Variants in PINLYP observed in about 807,000 individuals in gnomAD.
The protein encoded by PINLYP is phospholipase A2 inhibitor and LY6/PLAUR domain containing, also known as phospholipase A2 inhibitor and Ly6/PLAUR domain-containing protein.
Under a neutral mutation model 15.8 loss-of-function variants are expected in PINLYP, and 12 were observed. That is an observed-to-expected ratio of 0.76 (90% CI 0.49 to 1.23). The LOEUF is 1.23. Ranked by LOEUF, PINLYP falls within the 50% of genes most tolerant of loss-of-function variation. PINLYP has a pLI of 0.00. For synonymous variants in PINLYP, 93 were observed against 97.7 expected (o/e 0.95, Z 0.28); for missense variants, 278 against 264.2 (o/e 1.05, Z -0.36).
At chr19:43,575,537 C>G (rs1244097309), upstream of PINLYP, 45 of 1,372,610 alleles carry the variant, frequency 3.3e-5, no homozygotes, top group Middle Eastern at 2.0e-4. Flanking sequence ...TGGGAGGGGG[C>G]GGGGTGCGCC....
At chr19:43,577,479 G>GA (rs1972880631) in intron 2 of PINLYP, among the ~76,000 whole-genome samples, 1 of 152,042 alleles carries the variant, frequency 6.6e-6, no homozygotes, top group Admixed American at 6.6e-5. Context: ...TTGGATCCCT[G>GA]AGAGAGGGGC....
chr19:43,581,726 G>C lies in PINLYP; in HGVS notation c.481+23G>C, dbSNP rs1463416588. On this transcript the variant is annotated intron_variant, in intron 5 of 5. Transcript: ENST00000599207. Reference sequence around the variant, plus strand: ...CTGGTGAGTGGTGCCTGAATCTCTGGAAAAGGAAACAGAACTAGAGGTCCA... The same window carrying C: ...CTGGTGAGTGGTGCCTGAATCTCTGCAAAAGGAAACAGAACTAGAGGTCCA... 1.1e-5 allele frequency: 17 copies of C among 1,535,852 alleles called. No homozygotes were observed. In the East Asian group the frequency reaches 1.5e-4, roughly 13 times the overall value.
chr19:43,581,071 GAAAAGAAAGAAAA>G (rs1972925009), intron 3 of PINLYP, 128 bp from the exon 4 acceptor site: 11 of 1,042,480 alleles, frequency 1.1e-5, no homozygotes, highest in African/African-American at 1.6e-5. Context: ...AAAAAAATAA[GAAAAGAAAGAAAA>G]AAAAGAAAGA....
chr19:43,575,534 G>A (rs769997814), upstream of PINLYP: 12 of 1,511,546 alleles, frequency 7.9e-6, no homozygotes, highest in South Asian at 3.5e-5. Context: ...GAGTGGGAGG[G>A]GGCGGGGTGC....
At chr19:43,578,683 T>C (rs1972894505) in exon 3 of PINLYP, 4 of 1,535,788 alleles carry the variant, frequency 2.6e-6, no homozygotes, top group Non-Finnish European at 2.6e-6. Flanking sequence ...ACATGTGTGC[T>C]CCTGGTCGGG....
chr19:43,578,687 G>T, exon 3 of PINLYP: 1 of 1,535,882 alleles, frequency 6.5e-7, no homozygotes, highest in South Asian at 1.2e-5. Context: ...GTGTGCTCCT[G>T]GTCGGGAAGG....
rs969246888 is a variant in PINLYP, at chr19:43,578,606, C to A, written c.87C>A (p.Cys29Ter). Residue 29 changes from cysteine to a stop codon, truncating the protein, a stop_gained, in exon 3 of 6, where the codon TGC becomes TGA. Transcript: ENST00000599207. LOFTEE classifies it high-confidence loss of function. ...ACACTGCAGGGTGCCCACTACACTGCGAAATATGTACGGCGGCGGGGAGCA... is the reference window on the plus strand; with the variant it reads ...ACACTGCAGGGTGCCCACTACACTGAGAAATATGTACGGCGGCGGGGAGCA... The A allele has an allele frequency of 3.9e-6, 6 of 1,535,682 alleles. No individual in the cohort carries two copies. The African/African-American group carries it at 8.2e-5, about 21-fold the overall frequency.
intron 3 of PINLYP, among the ~76,000 whole-genome samples, chr19:43,580,189 T>G (rs1327301068): frequency 1.3e-5 from 2 of 152,086 alleles, no homozygotes; most frequent in East Asian, 3.9e-4. Context: ...AGGAAGGACC[T>G]GAAAGGCTTG....
At chr19:43,578,503 C>T in intron 2 of PINLYP, 87 bp from the exon 3 acceptor site, 1 of 940,404 alleles carries the variant, frequency 1.1e-6, no homozygotes, top group South Asian at 1.6e-5. Context: ...TCCCTCCTCT[C>T]TCAGGACACA....
At chr19:43,581,069 A>T in intron 3 of PINLYP, 143 bp from the exon 4 acceptor site, 1 of 1,022,722 alleles carries the variant, frequency 9.8e-7, no homozygotes, top group Non-Finnish European at 1.4e-6. Flanking sequence ...TAAAAAAAAT[A>T]AGAAAAGAAA....
At chr19:43,579,433 G>A (rs1972903828) in intron 3 of PINLYP, among the ~76,000 whole-genome samples, 1 of 151,498 alleles carries the variant, frequency 6.6e-6, no homozygotes, top group Non-Finnish European at 1.5e-5. Context: ...TTTTAGTAGA[G>A]ACGGGGTTTC....
At position 43,579,228 on chromosome 19, in the gene PINLYP, C is replaced by T. The variant is rs993448641; in HGVS notation, c.187+522C>T. ...CCCCAAACAGGAGATGGATGATAAC[C>T]TTGAAGTATGGAGCAAATCATTTTT... On this transcript the variant is annotated intron_variant, in intron 3 of 5. Coordinates refer to ENST00000599207, the Ensembl canonical transcript of PINLYP. 2.5e-5 allele frequency: 4 copies of T among 163,226 alleles called. No homozygotes were observed. In the East Asian group the frequency reaches 5.6e-4, roughly 23 times the overall value. The allele number at this position is 163,226 out of a possible 1,614,324, so 10.1% of individuals were successfully genotyped here.
chr19:43,579,010 G>T (rs186796119), intron 3 of PINLYP: 1 of 323,594 alleles, frequency 3.1e-6, no homozygotes, highest in African/African-American at 2.2e-5. Context: ...AGACACTGTG[G>T]GGGGCAGAGA....
rs147773417 is a variant in PINLYP, at chr19:43,576,196, G to T, written c.-801G>T. Among the ~76,000 whole-genome samples, 1,113 of 152,246 alleles carry T rather than the reference G, an allele frequency of 7.3e-3. 10 individuals carry two copies. The highest frequency in any genetic ancestry group is 0.024 in the African/African-American group (984 of 41,528). On this transcript the variant is annotated 5_prime_UTR_variant, in exon 1 of 6. In the 5' UTR this introduces an upstream ATG that the reference lacks. Coordinates refer to ENST00000599207, the Ensembl canonical transcript of PINLYP. ...GGCCTCTCAAAGTGCTGGAACTACA[G>T]GCGTGAGCGACTGCGCTGGGCTAGG... is the stretch of plus-strand genomic sequence containing the variant.
At chr19:43,576,753 T>C (rs1158887220) in exon 1 of PINLYP, 12 of 181,594 alleles carry the variant, frequency 6.6e-5, no homozygotes, top group Non-Finnish European at 1.3e-4. Context: ...CTGGACATGC[T>C]GGGTGCTCCA....
At chr19:43,577,198 C>G in exon 2 of PINLYP, 3 of 1,536,124 alleles carry the variant, frequency 2.0e-6, no homozygotes, top group Non-Finnish European at 2.6e-6. Flanking sequence ...CACCATGAGG[C>G]TCTCCAGGAG....
intron 2 of PINLYP, among the ~76,000 whole-genome samples, chr19:43,578,239 C>A (rs1197242422): frequency 6.6e-6 from 1 of 152,176 alleles, no homozygotes; most frequent in Admixed American, 6.5e-5. Context: ...CATTCAAGAA[C>A]CAGCTGGACC....
intron 3 of PINLYP, among the ~76,000 whole-genome samples, chr19:43,579,630 G>GGTTCAC (rs142755970): frequency 0.054 from 8,193 of 150,502 alleles, 304 homozygotes; most frequent in East Asian, 0.11. Flanking sequence ...CGGGCACGGT[G>GGTTCAC]GTTCACGCCT....
chr19:43,579,960 C>T (rs967940473), intron 3 of PINLYP, among the ~76,000 whole-genome samples: 1 of 151,698 alleles, frequency 6.6e-6, no homozygotes, highest in Non-Finnish European at 1.5e-5. Flanking sequence ...CCACCCCAGA[C>T]CTGAAAAATG....
Sources: gnomAD v4.1 joint callset for allele counts (sites outside exome capture counted in the v4.1 genomes callset) on GRCh38, gnomAD v4.1.1 for gene constraint, MANE v1.5 for transcripts, NCBI Gene and HGNC (gene_info 2026-07-23, HGNC 2026-07-21) for gene names.